TOMM40L: variants seen among roughly 807,000 people sequenced by gnomAD.
TOMM40L encodes the protein mitochondrial import receptor subunit TOM40B.
In TOMM40L, 17 loss-of-function variants were observed where a neutral mutation model predicts 38.3. The ratio of observed to expected loss-of-function variants is 0.44; its 90% CI spans 0.30 to 0.67. The LOEUF is 0.67. Ranked by LOEUF, TOMM40L falls within the 30% of genes least tolerant of loss-of-function variation. TOMM40L has a pLI of 0.08. For missense variants in TOMM40L, 294 were observed against 390.0 expected, an observed-to-expected ratio of 0.75 and a Z score of 2.07; for synonymous variants, 151 against 150.2, an observed-to-expected ratio of 1.01 and a Z score of -0.04.
chr1:161,227,496 C>G, intron 4 of TOMM40L, 140 bp from the exon 5 acceptor site: 1 of 1,055,218 alleles, frequency 9.5e-7, no homozygotes, highest in Non-Finnish European at 1.4e-6. Context: ...GGTAGAGAAA[C>G]ATTTTCTGTG....
intron 4 of TOMM40L, 89 bp downstream of exon 4, chr1:161,227,439 G>A: frequency 7.7e-7 from 1 of 1,290,634 alleles, no homozygotes; most frequent in Non-Finnish European, 1.1e-6. Flanking sequence ...GTTATGGGGA[G>A]GAATGGGCCG....
At position 161,226,668 on chromosome 1, in the gene TOMM40L, C is replaced by T. The variant is rs1666367445; in HGVS notation, c.115+64C>T. 5 of 1,520,326 alleles carry T rather than the reference C, an allele frequency of 3.3e-6. No individual in the cohort carries two copies. The South Asian group carries it at 4.6e-5, about 14-fold the overall frequency. 94.2% of individuals were successfully genotyped at this position (1,520,326 alleles called of 1,614,324 possible). On this transcript the variant is annotated intron_variant, in intron 2 of 9. Transcript: ENST00000367988. ...CAGAGGAGTGGAGGGTCTTGAATGC[C>T]GGATGTCCGGCGATGGGAGCAGGAA...
chr1:161,230,272 A>G lies in TOMM40L; in HGVS notation c.*1177A>G, dbSNP rs1666862329. 1 of 319,162 alleles carries G rather than the reference A, an allele frequency of 3.1e-6. No homozygotes were observed. 19.8% of individuals were successfully genotyped at this position (319,162 alleles called of 1,614,324 possible). On this transcript the variant is annotated 3_prime_UTR_variant, in exon 10 of 10. Coordinates refer to ENST00000367988, the MANE Select transcript of TOMM40L (RefSeq NM_032174.6). ...AGAAGGTGGATGTGTTCTATGGTATAAAGCATCCCCTTTCTGGCCAAACTA... is the reference window on the plus strand; with the variant it reads ...AGAAGGTGGATGTGTTCTATGGTATGAAGCATCCCCTTTCTGGCCAAACTA...
chr1:161,228,126 AG>A, intron 6 of TOMM40L, 59 bp from the exon 7 acceptor site: 1 of 1,576,430 alleles, frequency 6.3e-7, no homozygotes, highest in Non-Finnish European at 8.6e-7. Flanking sequence ...ATTGGGAGTG[AG>A]GGAGCAGGTC....
chr1:161,226,842 G>T, intron 2 of TOMM40L, 46 bp from the exon 3 acceptor site: 1 of 1,601,904 alleles, frequency 6.2e-7, no homozygotes, highest in East Asian at 2.2e-5. Context: ...TTGGGGTAGG[G>T]GTTCTTTGTC....
rs1197804717 is a variant in TOMM40L, at chr1:161,229,700, T to C, written c.*605T>C. 6.2e-7 allele frequency: 1 copy of C among 1,614,126 alleles called. No homozygotes were observed. The highest frequency in any genetic ancestry group is 1.7e-5 in the Admixed American group (1 of 60,028). On this transcript the variant is annotated 3_prime_UTR_variant, in exon 10 of 10. Coordinates refer to ENST00000367988, the MANE Select transcript of TOMM40L (RefSeq NM_032174.6). The stretch of plus-strand genomic sequence containing the variant: ...TAGTCTTTCATTGCAACCACTGGGC[T>C]CCCTTTGAACCCGGCCCAATCTTTG...
Position 161,227,973 on chromosome 1 carries a change from C to G in TOMM40L, c.468C>G (p.Asp156Glu), listed in dbSNP as rs758849913. 1 of 1,614,078 alleles carries G rather than the reference C, an allele frequency of 6.2e-7. No homozygotes were observed. ...YTATLTLGNPDLIGESVIMVA... is the reference protein window; with the variant it reads ...YTATLTLGNPELIGESVIMVA... ...CCACTCTGACCCTAGGAAATCCTGACCTGATTGGGGAGTCGGGTGAGGAAC... is the reference window on the plus strand; with the variant it reads ...CCACTCTGACCCTAGGAAATCCTGAGCTGATTGGGGAGTCGGGTGAGGAAC... The change falls in exon 6 of 10, where the codon GAC (aspartate) becomes GAG (glutamate). Residue 156 changes from aspartate to glutamate, a missense_variant. Physicochemically the swap from Asp to Glu is conservative, Grantham distance 45 (BLOSUM62 2). Transcript: ENST00000367988.
At position 161,229,608 on chromosome 1, in the gene TOMM40L, A is replaced by G. The variant is rs758152799; in HGVS notation, c.*513A>G. 78 of 1,597,168 alleles carry G rather than the reference A, an allele frequency of 4.9e-5. No individual in the cohort carries two copies. The highest frequency in any genetic ancestry group is 6.7e-5 in the Non-Finnish European group (78 of 1,170,356). On this transcript the variant is annotated 3_prime_UTR_variant, in exon 10 of 10. Coordinates refer to ENST00000367988, the MANE Select transcript of TOMM40L (RefSeq NM_032174.6). Reference sequence around the variant, plus strand: ...TCCTTCCCATCTTCTGTGCTTCCAGAGAACAACTTTGTTCCTATGGTCACC... The same window carrying G: ...TCCTTCCCATCTTCTGTGCTTCCAGGGAACAACTTTGTTCCTATGGTCACC...
Position 161,229,007 on chromosome 1 carries a change from C to A in TOMM40L, c.839C>A (p.Pro280His). 1.2e-6 allele frequency: 2 copies of A among 1,614,126 alleles called. No individual in the cohort carries two copies. The highest frequency in any genetic ancestry group is 1.7e-6 in the Non-Finnish European group (2 of 1,180,022). ...GGTGCTGTGCTGGAGAAGAAGATGCCCCCTCTGCCTGTCACCCTAGCCCTT... is the reference window on the plus strand; with the variant it reads ...GGTGCTGTGCTGGAGAAGAAGATGCACCCTCTGCCTGTCACCCTAGCCCTT... Reference protein sequence around the residue: ...CVGAVLEKKMPPLPVTLALGA... With the variant: ...CVGAVLEKKMHPLPVTLALGA... Residue 280 changes from proline to histidine, a missense_variant, in exon 10 of 10, where the codon CCC becomes CAC. Transcript: ENST00000367988.
In TOMM40L at chr1:161,228,174, A is replaced by G. The variant is rs1666506168; in HGVS notation, c.485-12A>G. On this transcript the variant is annotated splice_polypyrimidine_tract_variant and intron_variant, in intron 6 of 9. Transcript: ENST00000367988. ...TCTATGACTGACTCCATGTCTCCCC[A>G]TTCCCCCACAGTGATCATGGTTGCT... is the stretch of plus-strand genomic sequence containing the variant. 1.9e-6 allele frequency: 3 copies of G among 1,574,208 alleles called. No homozygotes were observed. Among genetic ancestry groups the G allele is most frequent in the Non-Finnish European group, 2.6e-6 (3 of 1,158,556 alleles).
chr1:161,229,389 C>T lies in TOMM40L; in HGVS notation c.*294C>T, dbSNP rs1260182725. 1.6e-6 allele frequency: 1 copy of T among 611,458 alleles called. No individual in the cohort carries two copies. Among genetic ancestry groups the T allele is most frequent in the African/African-American group, 1.8e-5 (1 of 54,220 alleles). The allele number at this position is 611,458 out of a possible 1,614,324, so 37.9% of individuals were successfully genotyped here. ...GGGGTATGGCTGAATTCCCCCGGCA[C>T]CCCTTGCCCTCAGGCTTCCTTCTTC... On this transcript the variant is annotated 3_prime_UTR_variant, in exon 10 of 10. Coordinates refer to ENST00000367988, the MANE Select transcript of TOMM40L (RefSeq NM_032174.6).
At position 161,226,600 on chromosome 1, in the gene TOMM40L, CA is replaced by C; in HGVS notation, c.114del (p.Asp39MetfsTer10). 1 of 1,613,806 alleles carries C rather than the reference CA, an allele frequency of 6.2e-7. No homozygotes were observed. The highest frequency in any genetic ancestry group is 8.5e-7 in the Non-Finnish European group (1 of 1,179,808). Reference protein sequence around the residue: ...GSFDELHRLCKDVFPAQMEGV... With the variant: ...GSFDELHRLCXDVFPAQMEGV... The stretch of plus-strand genomic sequence containing the variant: ...GCTTCGATGAGCTGCACCGTCTATG[CA>C]AAGGTGAGAACTTGGCACTTGGGTG... On this transcript the variant is annotated frameshift_variant, in exon 2 of 10. Transcript: ENST00000367988. LOFTEE classifies it high-confidence loss of function.
Position 161,229,809 on chromosome 1 carries a change from C to T in TOMM40L, c.*714C>T, listed in dbSNP as rs1666680455. The T allele has an allele frequency of 6.2e-7, 1 of 1,614,218 alleles. No homozygotes were observed. The highest frequency in any genetic ancestry group is 1.7e-5 in the Admixed American group (1 of 60,010). On this transcript the variant is annotated 3_prime_UTR_variant, in exon 10 of 10. Coordinates refer to ENST00000367988, the MANE Select transcript of TOMM40L (RefSeq NM_032174.6). The stretch of plus-strand genomic sequence containing the variant: ...AGTGAGCATGGCCTCAGCTGCAGAT[C>T]TCCTGGAGCAGCGGCATCATGGCAG...
Position 161,229,903 on chromosome 1 carries a change from C to G in TOMM40L, c.*808C>G. 6.2e-7 allele frequency: 1 copy of G among 1,614,118 alleles called. No homozygotes were observed. The stretch of plus-strand genomic sequence containing the variant: ...AATGCTCCGGAGCTCAGCCAGCAGG[C>G]CTAGCAACTTCGCATACAGAAACCT... On this transcript the variant is annotated 3_prime_UTR_variant, in exon 10 of 10. Coordinates refer to ENST00000367988, the MANE Select transcript of TOMM40L (RefSeq NM_032174.6).
At chr1:161,228,894 T>G in intron 9 of TOMM40L, 62 bp from the exon 10 acceptor site, 1 of 1,613,764 alleles carries the variant, frequency 6.2e-7, no homozygotes, top group Non-Finnish European at 8.5e-7. Context: ...CGACCTTACT[T>G]CTGGTGACTA....
At position 161,229,410 on chromosome 1, in the gene TOMM40L, T is replaced by C; in HGVS notation, c.*315T>C. On this transcript the variant is annotated 3_prime_UTR_variant, in exon 10 of 10. Transcript: ENST00000367988. ...GGCACCCCTTGCCCTCAGGCTTCCT[T>C]CTTCCTTTCCCTTTGGTTAATCCTG... is the stretch of plus-strand genomic sequence containing the variant. 2 of 621,102 alleles carry C rather than the reference T, an allele frequency of 3.2e-6. No individual in the cohort carries two copies. Among genetic ancestry groups the C allele is most frequent in the South Asian group, 2.0e-5 (1 of 49,364 alleles). 38.5% of individuals were successfully genotyped at this position (621,102 alleles called of 1,614,324 possible).
chr1:161,228,901 A>G, intron 9 of TOMM40L, 55 bp from the exon 10 acceptor site: 1 of 1,613,798 alleles, frequency 6.2e-7, no homozygotes, highest in South Asian at 1.1e-5. Flanking sequence ...ACTTCTGGTG[A>G]CTATTTCCTC....
In TOMM40L at chr1:161,229,142, G is replaced by C. The variant is rs779445504; in HGVS notation, c.*47G>C. 11 of 1,613,808 alleles carry C rather than the reference G, an allele frequency of 6.8e-6. No individual in the cohort carries two copies. Among genetic ancestry groups the C allele is most frequent in the Non-Finnish European group, 4.2e-6 (5 of 1,179,924 alleles). ...ACAGCAGCTGGAACCTCTGAGTCAG[G>C]TGCCCTAGGGCCAAAGACTAGGCCC... On this transcript the variant is annotated 3_prime_UTR_variant, in exon 10 of 10. Transcript: ENST00000367988.
In TOMM40L at chr1:161,227,500, T is replaced by G. The variant is rs987797416; in HGVS notation, c.277-136T>G. 3 of 1,041,978 alleles carry G rather than the reference T, an allele frequency of 2.9e-6. No individual in the cohort carries two copies. The East Asian group carries it at 7.8e-5, about 27-fold the overall frequency. The allele number at this position is 1,041,978 out of a possible 1,614,324, so 64.5% of individuals were successfully genotyped here. ...GAATGAGAGAGGGTAGAGAAACATTTTCTGTGAAGAGCCCAGAGTGTGTCT... is the reference window on the plus strand; with the variant it reads ...GAATGAGAGAGGGTAGAGAAACATTGTCTGTGAAGAGCCCAGAGTGTGTCT... On this transcript the variant is annotated intron_variant, in intron 4 of 9. Coordinates refer to ENST00000367988, the MANE Select transcript of TOMM40L (RefSeq NM_032174.6).
Sources: allele counts gnomAD v4.1 joint callset, GRCh38; gene constraint gnomAD v4.1.1; transcripts MANE v1.5; gene names NCBI Gene and HGNC (gene_info 2026-07-23, HGNC 2026-07-21).